CDH1: variants seen among roughly 807,000 people sequenced by gnomAD.
CDH1 encodes the protein cadherin-1.
In CDH1, 35 loss-of-function variants were observed where a neutral mutation model predicts 84.5. The ratio of observed to expected loss-of-function variants is 0.41; its 90% confidence interval spans 0.32 to 0.55. The LOEUF (loss-of-function observed/expected upper bound fraction) is 0.55. Ranked by LOEUF, CDH1 falls within the 20% of genes least tolerant of loss-of-function variation. The pLI, the probability that CDH1 is intolerant of heterozygous loss-of-function variation, is 0.19. For synonymous variants in CDH1, 417 were observed against 439.0 expected (o/e 0.95, Z 0.63); for missense variants, 994 against 1,126.6 (o/e 0.88, Z 1.68).
chr16:68,741,053 A>T (rs773622663), intron 2 of CDH1, among the ~76,000 whole-genome samples: 2 of 148,240 alleles, frequency 1.3e-5, no homozygotes, highest in Non-Finnish European at 3.0e-5. Context: ...GGTGGTGATG[A>T]TGGAGATGGG....
intron 2 of CDH1, among the ~76,000 whole-genome samples, chr16:68,746,094 C>T (rs1405311861): frequency 2.0e-5 from 3 of 152,158 alleles, no homozygotes; most frequent in Non-Finnish European, 2.9e-5. Context: ...TGGGATCGCA[C>T]GCGTGAGCCA....
In CDH1 at chr16:68,801,960, C is replaced by G; in HGVS notation, c.387+67C>G. ...GCGCTGTCTAATCCAGGTTTCTCAG[C>G]CTTGGTACCGTTGACATTTTGGGCT... is the stretch of plus-strand genomic sequence containing the variant. On this transcript the variant is annotated intron_variant, in intron 3 of 15. Coordinates refer to ENST00000261769, the MANE Select transcript of CDH1 (RefSeq NM_004360.5). 11 of 1,312,414 alleles carry G rather than the reference C, an allele frequency of 8.4e-6. No individual in the cohort carries two copies. The South Asian group carries it at 1.3e-4, about 16-fold the overall frequency. 81.3% of individuals were successfully genotyped at this position (1,312,414 alleles called of 1,614,324 possible). A position where few individuals can be genotyped will look rare whatever the true frequency, so the allele number is the denominator to read the frequency against.
chr16:68,787,971 A>G (rs950514050), intron 2 of CDH1, among the ~76,000 whole-genome samples: 3 of 151,976 alleles, frequency 2.0e-5, no homozygotes, highest in Non-Finnish European at 4.4e-5. Context: ...GATTATAGGC[A>G]TGTGCCACCA....
At chr16:68,803,615 C>T (rs533865630) in intron 3 of CDH1, among the ~76,000 whole-genome samples, 25 of 152,184 alleles carry the variant, frequency 1.6e-4, no homozygotes, top group African/African-American at 4.6e-4. Context: ...AGGCTGGTCT[C>T]GAACTCCTGA....
chr16:68,785,115 A>T (rs1275222929), intron 2 of CDH1, among the ~76,000 whole-genome samples: 4 of 152,144 alleles, frequency 2.6e-5, no homozygotes, highest in Admixed American at 2.6e-4. Flanking sequence ...CATACCTAAA[A>T]TCTCACTTGT....
At position 68,804,102 on chromosome 16, in the gene CDH1, C is replaced by CTTTTTTTT. The variant is rs10563852; in HGVS notation, c.387+2231_387+2238dup. On this transcript the variant is annotated intron_variant, in intron 3 of 15. Coordinates refer to ENST00000261769, the MANE Select transcript of CDH1 (RefSeq NM_004360.5). ...ATTCATTACTTAGTTATCTGTCTGC[C>CTTTTTTTT]TTTTTTTTTTTTTTTTTTTTTTTTT... Among the ~76,000 whole-genome samples, 8 of 75,070 alleles carry CTTTTTTTT rather than the reference C, an allele frequency of 1.1e-4. 1 individual carries two copies. The highest frequency in any genetic ancestry group is 1.7e-4 in the Admixed American group (1 of 5,892). 49.2% of individuals were successfully genotyped at this position (75,070 alleles called of 152,430 possible).
rs141452939 is a variant in CDH1, at chr16:68,810,574, T to TG, written c.832+233_832+234insG. ...TCCCTTTTTTATTATTAATTTTTTT[T>TG]TTTTTTAGGCTGGGCATGGTGGCTC... On this transcript the variant is annotated intron_variant, in intron 6 of 15. Transcript: ENST00000261769. 7.1e-3 allele frequency among the ~76,000 whole-genome samples: 1,085 copies of TG among 151,852 alleles called. 16 individuals carry two copies. Among genetic ancestry groups the TG allele is most frequent in the African/African-American group, 0.025 (1,031 of 41,460 alleles).
rs864622284 is a variant in CDH1, at chr16:68,808,449, A to G, written c.413A>G (p.Glu138Gly). 6.2e-7 allele frequency: 1 copy of G among 1,614,142 alleles called. No homozygotes were observed. Residue 138 changes from glutamate to glycine, a missense_variant, in exon 4 of 16, where the codon GAA becomes GGA. This residue lies in a region of CDH1 where 203 missense variants were observed against 194.0 expected (regional missense o/e 1.05). Coordinates refer to ENST00000261769, the MANE Select transcript of CDH1 (RefSeq NM_004360.5). Reference sequence around the variant, plus strand: ...GCCTCCGTTTCTGGAATCCAAGCAGAATTGCTCACATTTCCCAACTCCTCT... The same window carrying G: ...GCCTCCGTTTCTGGAATCCAAGCAGGATTGCTCACATTTCCCAACTCCTCT... Reference protein sequence around the residue: ...HQASVSGIQAELLTFPNSSPG... With the variant: ...HQASVSGIQAGLLTFPNSSPG...
chr16:68,818,306 G>T (rs1309840323), intron 10 of CDH1, among the ~76,000 whole-genome samples: 3 of 150,998 alleles, frequency 2.0e-5, no homozygotes, highest in Non-Finnish European at 4.4e-5. Flanking sequence ...GAATGCCTTT[G>T]TTCTTAGGAG....
At chr16:68,823,337 CTGGAA>C in intron 12 of CDH1, 57 bp from the exon 13 acceptor site, 1 of 1,223,948 alleles carries the variant, frequency 8.2e-7, no homozygotes, top group Non-Finnish European at 1.2e-6. Flanking sequence ...CAATTTTATT[CTGGAA>C]TGAGCTTTTT....
At chr16:68,773,532 C>G (rs1319659111) in intron 2 of CDH1, among the ~76,000 whole-genome samples, 4 of 152,222 alleles carry the variant, frequency 2.6e-5, no homozygotes, top group African/African-American at 9.6e-5. Context: ...CTCCTGACCT[C>G]AGGTGATCTG....
chr16:68,826,962 C>T (rs1043526779), intron 13 of CDH1, among the ~76,000 whole-genome samples: 30 of 152,112 alleles, frequency 2.0e-4, no homozygotes, highest in African/African-American at 6.3e-4. Flanking sequence ...CAAGTTTATG[C>T]AACCTCCTGT....
Position 68,738,191 on chromosome 16 carries a change from C to G in CDH1, c.49-106C>G. 5.2e-6 allele frequency: 4 copies of G among 774,936 alleles called. No individual in the cohort carries two copies. In the South Asian group the frequency reaches 6.9e-5, roughly 13 times the overall value. 48.0% of individuals were successfully genotyped at this position (774,936 alleles called of 1,614,324 possible). ...CCGGGGCTGCGGGCTGGGGTCCTCC[C>G]CCAATCCCGACGCCGGGAGCGAGGG... On this transcript the variant is annotated intron_variant, in intron 1 of 15. Coordinates refer to ENST00000261769, the MANE Select transcript of CDH1 (RefSeq NM_004360.5).
At chr16:68,826,347 A>G (rs948541894) in intron 13 of CDH1, among the ~76,000 whole-genome samples, 9 of 151,788 alleles carry the variant, frequency 5.9e-5, no homozygotes, top group African/African-American at 1.7e-4. Context: ...GGTTCTCACT[A>G]TGTTACTCAC....
chr16:68,743,343 C>G (rs898928992), intron 2 of CDH1, among the ~76,000 whole-genome samples: 1 of 21,264 alleles, frequency 4.7e-5, no homozygotes, highest in African/African-American at 2.1e-4. Flanking sequence ...TTCTTTCTTT[C>G]TTTCTTTCTT....
chr16:68,783,894 C>T lies in CDH1; in HGVS notation c.164-17776C>T, dbSNP rs1369492985. ...GTTTCACCATGTTGGCCAGGCTGGT[C>T]CTGAACTCCTGACCTCAAGCAATCT... On this transcript the variant is annotated intron_variant, in intron 2 of 15. Coordinates refer to ENST00000261769, the MANE Select transcript of CDH1 (RefSeq NM_004360.5). Among the ~76,000 whole-genome samples the T allele has an allele frequency of 3.3e-5, 5 of 152,224 alleles. No individual in the cohort carries two copies. In the East Asian group the frequency reaches 7.7e-4, roughly 24 times the overall value.
At chr16:68,801,562 T>G (rs1960498943) in intron 2 of CDH1, 108 bp from the exon 3 acceptor site, 3 of 857,786 alleles carry the variant, frequency 3.5e-6, no homozygotes, top group Non-Finnish European at 4.1e-6. Context: ...TTTGTTTTGG[T>G]TGTGTTTGGT....
intron 2 of CDH1, among the ~76,000 whole-genome samples, chr16:68,743,058 G>A (rs941771396): frequency 6.6e-6 from 1 of 152,138 alleles, no homozygotes; most frequent in Admixed American, 6.6e-5. Flanking sequence ...GTGGGGCCCT[G>A]CCTGCCCCTC....
intron 10 of CDH1, among the ~76,000 whole-genome samples, chr16:68,818,725 C>G (rs1400155377): frequency 6.6e-6 from 1 of 150,578 alleles, no homozygotes; most frequent in Non-Finnish European, 1.5e-5. Flanking sequence ...TGGCGGGCGC[C>G]TCTAGTCCCA....
Sources: allele counts gnomAD v4.1 joint callset (sites outside exome capture counted in the v4.1 genomes callset), GRCh38; gene constraint gnomAD v4.1.1; regional missense constraint gnomAD v4.1.1; transcripts MANE v1.5; gene names NCBI Gene and HGNC (gene_info 2026-07-23, HGNC 2026-07-21).